CTNNA3: variants seen among roughly 807,000 people sequenced by gnomAD.
CTNNA3 encodes the protein catenin alpha 3.
A neutral mutation model predicts 95.7 loss-of-function variants in CTNNA3; 76 were observed. The observed-to-expected ratio is 0.79, with a 90% confidence interval of 0.66 to 0.96. CTNNA3 has a LOEUF of 0.96. Among genes scored for constraint, CTNNA3 ranks in the 40% least tolerant of loss-of-function variants. CTNNA3 has a pLI of 0.00. For synonymous variants in CTNNA3, 431 were observed against 374.4 expected (o/e 1.15, Z -1.74); for missense variants, 1,191 against 1,089.8 (o/e 1.09, Z -1.31).
At position 66,338,210 on chromosome 10, in the gene CTNNA3, T is replaced by C. The variant is rs530532451; in HGVS notation, c.1732+40942A>G. On this transcript the variant is annotated intron_variant, in intron 12 of 17. Transcript: ENST00000433211. ...GAGACGCCAGTCACAAAGGACCACA[T>C]GTTGCATAATTCGATTATATAAGAT... Among the ~76,000 whole-genome samples, 24 of 152,096 alleles carry C rather than the reference T, an allele frequency of 1.6e-4. 1 individual carries two copies. In the South Asian group the frequency reaches 5.0e-3, roughly 32 times the overall value.
intron 1 of CTNNA3, among the ~76,000 whole-genome samples, chr10:67,726,351 T>C (rs1438358826): frequency 1.7e-5 from 1 of 57,866 alleles, no homozygotes; most frequent in Non-Finnish European, 2.6e-5. Context: ...TAATATATGA[T>C]ATATATGATA....
chr10:67,691,751 G>A (rs1307998682), intron 1 of CTNNA3, among the ~76,000 whole-genome samples: 2 of 150,974 alleles, frequency 1.3e-5, no homozygotes, highest in African/African-American at 4.9e-5. Flanking sequence ...ACCTCGTCCG[G>A]GAGGGAGGTG....
intron 12 of CTNNA3, among the ~76,000 whole-genome samples, chr10:66,330,404 C>T (rs1240376953): frequency 6.6e-6 from 1 of 151,992 alleles, no homozygotes; most frequent in Non-Finnish European, 1.5e-5. Flanking sequence ...TGAACTCATC[C>T]TGTTTTATGG....
chr10:66,330,698 G>T (rs1313084497), intron 12 of CTNNA3, among the ~76,000 whole-genome samples: 3 of 152,110 alleles, frequency 2.0e-5, no homozygotes, highest in African/African-American at 7.2e-5. Context: ...CAGTGTAAAA[G>T]TGTTCCTATT....
At chr10:67,105,022 T>TA (rs1229620185) in intron 7 of CTNNA3, among the ~76,000 whole-genome samples, 2 of 152,046 alleles carry the variant, frequency 1.3e-5, no homozygotes, top group South Asian at 2.1e-4. Flanking sequence ...GAAGATGTGG[T>TA]AAAAAACAAC....
chr10:66,408,189 A>T (rs190049279), intron 11 of CTNNA3, among the ~76,000 whole-genome samples: 1 of 152,278 alleles, frequency 6.6e-6, no homozygotes, highest in East Asian at 1.9e-4. Context: ...GCTTTTTGAA[A>T]ATTTGTAAAA....
chr10:66,509,806 A>C (rs1840591956), intron 11 of CTNNA3, among the ~76,000 whole-genome samples: 1 of 151,918 alleles, frequency 6.6e-6, no homozygotes, highest in African/African-American at 2.4e-5. Flanking sequence ...TATCTATATT[A>C]TATTTTAACT....
intron 11 of CTNNA3, among the ~76,000 whole-genome samples, chr10:66,379,798 G>A (rs995635704): frequency 6.6e-6 from 1 of 152,188 alleles, no homozygotes; most frequent in African/African-American, 2.4e-5. Context: ...TCCAGAGAAA[G>A]TTGCCTACTC....
chr10:66,786,892 G>A (rs1840767875), intron 7 of CTNNA3, among the ~76,000 whole-genome samples: 1 of 152,080 alleles, frequency 6.6e-6, no homozygotes, highest in Non-Finnish European at 1.5e-5. Flanking sequence ...ATGAAAAGGA[G>A]GACAACCTAA....
intron 7 of CTNNA3, among the ~76,000 whole-genome samples, chr10:66,961,583 T>G (rs185281577): frequency 5.9e-4 from 90 of 152,244 alleles, no homozygotes; most frequent in African/African-American, 1.9e-3. Context: ...CTTTTGTGTG[T>G]AAATTTACTC....
chr10:66,663,687 A>G (rs973012409), intron 9 of CTNNA3, among the ~76,000 whole-genome samples: 1 of 152,154 alleles, frequency 6.6e-6, no homozygotes, highest in African/African-American at 2.4e-5. Flanking sequence ...TGTTGAAAGA[A>G]TCACTGAATC....
chr10:66,689,904 G>A (rs1028090897), intron 9 of CTNNA3, among the ~76,000 whole-genome samples: 1 of 152,100 alleles, frequency 6.6e-6, no homozygotes, highest in East Asian at 1.9e-4. Context: ...CCACAAACAA[G>A]ATAGAAAAGA....
intron 13 of CTNNA3, among the ~76,000 whole-genome samples, chr10:66,196,492 A>G (rs964111585): frequency 6.6e-6 from 1 of 152,184 alleles, no homozygotes; most frequent in Non-Finnish European, 1.5e-5. Flanking sequence ...ATGCCTCTGT[A>G]TATCAGAGGA....
chr10:66,045,678 G>T (rs1168745764), intron 15 of CTNNA3, among the ~76,000 whole-genome samples: 1 of 152,002 alleles, frequency 6.6e-6, no homozygotes, highest in Non-Finnish European at 1.5e-5. Context: ...AGAATATTGT[G>T]GTAGAAATTC....
intron 15 of CTNNA3, among the ~76,000 whole-genome samples, chr10:66,050,264 T>C (rs1258246839): frequency 5.9e-5 from 9 of 152,172 alleles, no homozygotes; most frequent in Non-Finnish European, 1.2e-4. Context: ...CATTTTTTTC[T>C]GAAATCCAAA....
chr10:66,294,911 A>AGG lies in CTNNA3; in HGVS notation c.1733-14291_1733-14290insCC, dbSNP rs1272217429. 1.6e-3 allele frequency among the ~76,000 whole-genome samples: 245 copies of AGG among 149,566 alleles called. 2 individuals are homozygous for AGG. The highest frequency in any genetic ancestry group is 5.7e-3 in the African/African-American group (233 of 40,708). On this transcript the variant is annotated intron_variant, in intron 12 of 17. Transcript: ENST00000433211. ...CAGAGAGAGAGAGAGAGAGAGAGAG[A>AGG]GAGGGATTTGGTAAACATTTGCATT...
intron 6 of CTNNA3, among the ~76,000 whole-genome samples, chr10:67,182,505 A>G (rs944961274): frequency 1.3e-5 from 2 of 152,056 alleles, no homozygotes; most frequent in African/African-American, 4.8e-5. Flanking sequence ...CTGAAACTGG[A>G]TCCCTTCCTT....
chr10:66,312,705 C>A (rs574449671), intron 12 of CTNNA3, among the ~76,000 whole-genome samples: 22 of 152,090 alleles, frequency 1.4e-4, no homozygotes, highest in Non-Finnish European at 2.6e-4. Flanking sequence ...CATCATCAGG[C>A]CCGGATAATT....
intron 17 of CTNNA3, among the ~76,000 whole-genome samples, chr10:65,926,810 C>A (rs79049942): frequency 0.13 from 19,592 of 152,008 alleles, 1,569 homozygotes; most frequent in Middle Eastern, 0.21. Flanking sequence ...CCATATTTTT[C>A]ACATTAGGCA....
Sources: gnomAD v4.1 joint callset for allele counts (sites outside exome capture counted in the v4.1 genomes callset) on GRCh38, gnomAD v4.1.1 for gene constraint, MANE v1.5 for transcripts, NCBI Gene and HGNC (gene_info 2026-07-23, HGNC 2026-07-21) for gene names.